The following DPH6 variants were observed in gnomAD, a reference collection of about 807,000 sequenced individuals.
DPH6 encodes diphthamine biosynthesis 6.
DPH6 carries 33 observed loss-of-function variants against 38.2 expected under a neutral mutation model. The observed-to-expected ratio is 0.86, with a 90% confidence interval of 0.65 to 1.15. DPH6 has a LOEUF of 1.15. DPH6 is among the 50% of genes most tolerant of loss of function. The probability of loss-of-function intolerance (pLI) is 0.00; values close to 1 mark genes in which losing one functional copy is unlikely to be tolerated. For synonymous variants in DPH6, 108 were observed against 103.0 expected, an observed-to-expected ratio of 1.05 and a Z score of -0.30; for missense variants, 325 against 320.0, an observed-to-expected ratio of 1.02 and a Z score of -0.12.
At chr15:35,401,572 G>C in intron 6 of DPH6, 2 of 769,834 alleles carry the variant, frequency 2.6e-6, no homozygotes, top group Admixed American at 3.4e-5. Context: ...CAATTTTGGA[G>C]GTGGTGGAAG....
At chr15:35,393,113 C>T (rs1002021665) in intron 6 of DPH6, among the ~76,000 whole-genome samples, 3 of 152,276 alleles carry the variant, frequency 2.0e-5, no homozygotes, top group South Asian at 2.1e-4. Context: ...ATTTTAGAAA[C>T]ATCATTTTGG....
intron 3 of DPH6, chr15:35,520,877 T>C: frequency 1.0e-6 from 1 of 985,104 alleles, no homozygotes; most frequent in Non-Finnish European, 1.2e-6. Context: ...GGAACCCAAA[T>C]TCCCTGGAAA....
intron 6 of DPH6, among the ~76,000 whole-genome samples, chr15:35,403,745 TG>T (rs2053253145): frequency 6.6e-6 from 1 of 151,936 alleles, no homozygotes; most frequent in African/African-American, 2.4e-5. Context: ...TGGACTGAAG[TG>T]ATTCACTCAC....
chr15:35,188,470 C>T, the DPH6 span, among the ~76,000 whole-genome samples: 4 of 152,128 alleles, frequency 2.6e-5, no homozygotes, highest in Non-Finnish European at 5.9e-5. Context: ...CATATAAAAC[C>T]CCAAGTCAGA....
At chr15:35,519,345 T>G (rs2054889693) in intron 3 of DPH6, 1 of 151,856 alleles carries the variant, frequency 6.6e-6, no homozygotes, top group South Asian at 2.1e-4. Flanking sequence ...AGATTCTAAT[T>G]AAATAGAAAA....
chr15:35,451,144 A>C (rs2053927902), intron 4 of DPH6, among the ~76,000 whole-genome samples: 1 of 152,192 alleles, frequency 6.6e-6, no homozygotes, highest in South Asian at 2.1e-4. Flanking sequence ...AAGCATATGT[A>C]AAGTGGGCCA....
intron 3 of DPH6, among the ~76,000 whole-genome samples, chr15:35,243,425 C>CCA (rs2051614501): frequency 7.0e-6 from 1 of 143,640 alleles, no homozygotes; most frequent in African/African-American, 2.5e-5. Context: ...TGAGCCCAAG[C>CCA]CAAGCCATTG....
At chr15:35,527,864 G>GA (rs2055028419) in intron 3 of DPH6, among the ~76,000 whole-genome samples, 1 of 152,134 alleles carries the variant, frequency 6.6e-6, no homozygotes, top group African/African-American at 2.4e-5. Flanking sequence ...GATGGAAAGA[G>GA]AAATGTGATT....
At chr15:35,233,368 GTATTT>G (rs1440785780) in intron 3 of DPH6, among the ~76,000 whole-genome samples, 2 of 152,088 alleles carry the variant, frequency 1.3e-5, no homozygotes, top group Non-Finnish European at 2.9e-5. Context: ...AATCTCCATT[GTATTT>G]TATTAAGTGT....
Position 35,237,205 on chromosome 15 carries a change from C to T in DPH6, n.201-16623G>A, listed in dbSNP as rs957542636. 29 of 793,100 alleles carry T rather than the reference C, an allele frequency of 3.7e-5. No homozygotes were observed. The East Asian group carries it at 5.0e-4, about 14-fold the overall frequency. The allele number at this position is 793,100 out of a possible 1,614,324, so 49.1% of individuals were successfully genotyped here. A position where few individuals can be genotyped will look rare whatever the true frequency, so the allele number is the denominator to read the frequency against. ...AATGACCATTGAGGTTAGCGTGTGC[C>T]GGGGGTGCTGGGGGCTCGAGAACTG... On this transcript the variant is annotated intron_variant and non_coding_transcript_variant, in intron 3 of 3. Coordinates refer to the DPH6 transcript ENST00000560386.
At chr15:35,496,567 A>ATATATATATATATATATATATATATAT (rs1555406398) in intron 3 of DPH6, among the ~76,000 whole-genome samples, 8 of 31,006 alleles carry the variant, frequency 2.6e-4, no homozygotes, top group East Asian at 3.0e-3. Flanking sequence ...AAAAAAAAAA[A>ATATATATATATATATATATATATATAT]ATATATATAT....
intron 3 of DPH6, among the ~76,000 whole-genome samples, chr15:35,482,471 A>C (rs759981412): frequency 6.6e-6 from 1 of 152,182 alleles, no homozygotes; most frequent in Non-Finnish European, 1.5e-5. Context: ...TAAAACCACA[A>C]TAATAAAAAT....
At chr15:35,303,705 A>T (rs2052069578) in intron 3 of DPH6, among the ~76,000 whole-genome samples, 1 of 151,502 alleles carries the variant, frequency 6.6e-6, no homozygotes. Context: ...AAAAAAAAAA[A>T]AGGGGGAGGA....
intron 6 of DPH6, among the ~76,000 whole-genome samples, chr15:35,389,975 AAT>A (rs2053030553): frequency 1.3e-5 from 2 of 152,108 alleles, no homozygotes; most frequent in Non-Finnish European, 2.9e-5. Flanking sequence ...TGCAGTGGCT[AAT>A]ACTGCTTGTT....
chr15:35,402,883 G>A (rs2053239261), intron 6 of DPH6, among the ~76,000 whole-genome samples: 1 of 151,824 alleles, frequency 6.6e-6, no homozygotes, highest in Admixed American at 6.6e-5. Context: ...TCCAACAACA[G>A]ATAACTTATA....
At chr15:35,536,116 TAA>T (rs72111482) in intron 3 of DPH6, among the ~76,000 whole-genome samples, 2,277 of 151,494 alleles carry the variant, frequency 0.015, 29 homozygotes, top group South Asian at 0.076. Flanking sequence ...TTAGAACAAG[TAA>T]AGACAAACTT....
intron 5 of DPH6, among the ~76,000 whole-genome samples, chr15:35,438,208 CA>C (rs1322345054): frequency 6.6e-6 from 1 of 152,062 alleles, no homozygotes; most frequent in African/African-American, 2.4e-5. Flanking sequence ...TTCTTTTCTC[CA>C]TTTTGTCTTG....
At chr15:35,249,253 G>C (rs539944187) in intron 3 of DPH6, among the ~76,000 whole-genome samples, 11 of 152,062 alleles carry the variant, frequency 7.2e-5, no homozygotes, top group African/African-American at 2.4e-4. Context: ...CTCTATTCCT[G>C]TAGATAAAAT....
At chr15:35,353,749 A>T (rs1389749079) in intron 3 of DPH6, among the ~76,000 whole-genome samples, 1 of 152,096 alleles carries the variant, frequency 6.6e-6, no homozygotes, top group East Asian at 1.9e-4. Flanking sequence ...CTTAGGATTG[A>T]CTTGGTGATG....
Sources: gnomAD v4.1 joint callset for allele counts (sites outside exome capture counted in the v4.1 genomes callset) on GRCh38, gnomAD v4.1.1 for gene constraint, MANE v1.5 for transcripts, NCBI Gene and HGNC (gene_info 2026-07-23, HGNC 2026-07-21) for gene names.